Variants in WDR59 observed in about 807,000 individuals in gnomAD.
WDR59 encodes WD repeat domain 59, also known as GATOR2 complex protein WDR59.
Under a neutral mutation model 131.2 loss-of-function variants are expected in WDR59, and 100 were observed. The observed-to-expected ratio is 0.76, with a 90% CI of 0.65 to 0.90. The LOEUF (loss-of-function observed/expected upper bound fraction) is 0.90. WDR59 is among the 40% of genes least tolerant of loss of function. WDR59 has a pLI of 0.00. For missense variants in WDR59, 1,203 were observed against 1,262.2 expected (o/e 0.95, Z 0.71); for synonymous variants, 601 against 466.2 (o/e 1.29, Z -3.72).
At chr16:74,874,466 C>T in intron 25 of WDR59, 22 bp from the exon 26 acceptor site, 2 of 1,609,012 alleles carry the variant, frequency 1.2e-6, no homozygotes, top group Non-Finnish European at 1.7e-6. Flanking sequence ...CAGGGACGGG[C>T]AAAACAAGAG....
intron 20 of WDR59, among the ~76,000 whole-genome samples, chr16:74,890,649 AT>A (rs1393140777): frequency 6.6e-6 from 1 of 152,164 alleles, no homozygotes; most frequent in Non-Finnish European, 1.5e-5. Context: ...GACAAAATGG[AT>A]TTGGCTTTCT....
At chr16:74,935,755 G>A (rs2031747144) in intron 8 of WDR59, among the ~76,000 whole-genome samples, 1 of 152,010 alleles carries the variant, frequency 6.6e-6, no homozygotes, top group Admixed American at 6.6e-5. Context: ...TGCTAGCACT[G>A]TGGGAGGCCA....
chr16:74,892,250 G>T (rs748990701), intron 20 of WDR59, among the ~76,000 whole-genome samples: 1 of 152,116 alleles, frequency 6.6e-6, no homozygotes, highest in Non-Finnish European at 1.5e-5. Flanking sequence ...GAAAAGAGAT[G>T]TATAATTAAA....
chr16:74,915,053 G>T (rs758765856), intron 13 of WDR59, among the ~76,000 whole-genome samples: 4 of 152,166 alleles, frequency 2.6e-5, no homozygotes, highest in Admixed American at 1.3e-4. Flanking sequence ...TGTTCCACAG[G>T]CTAAGCAAAC....
intron 25 of WDR59, among the ~76,000 whole-genome samples, chr16:74,882,929 C>G (rs563886789): frequency 6.6e-6 from 1 of 150,498 alleles, no homozygotes; most frequent in African/African-American, 2.4e-5. Context: ...TATTACAAAA[C>G]CCAGCATTCC....
chr16:74,961,920 T>C lies in WDR59; in HGVS notation c.104+3853A>G, dbSNP rs140085328. On this transcript the variant is annotated intron_variant, in intron 2 of 25. Coordinates refer to ENST00000262144, the MANE Select transcript of WDR59 (RefSeq NM_030581.4). The stretch of plus-strand genomic sequence containing the variant: ...TTTTCTTCTAGGGTTTTTATAGTTT[T>C]GGATTTTACATTTAAGTCTTTAATC... Among the ~76,000 whole-genome samples, 1,162 of 152,320 alleles carry C rather than the reference T, an allele frequency of 7.6e-3. 20 individuals carry two copies. The highest frequency in any genetic ancestry group is 0.027 in the African/African-American group (1,106 of 41,572).
At position 74,909,937 on chromosome 16, in the gene WDR59, C is replaced by A. The variant is rs374410590; in HGVS notation, c.1390-20G>T. ...CAGGATCTAGAAAAGGCCCAAAACACAGTCAAGAAGAGGAACACATTTCTC... is the reference window on the plus strand; with the variant it reads ...CAGGATCTAGAAAAGGCCCAAAACAAAGTCAAGAAGAGGAACACATTTCTC... On this transcript the variant is annotated intron_variant, in intron 14 of 25. Transcript: ENST00000262144. The A allele has an allele frequency of 8.8e-6, 14 of 1,582,122 alleles. No homozygotes were observed. In the African/African-American group the frequency reaches 1.7e-4, roughly 19 times the overall value.
At chr16:74,937,199 C>A (rs948949012) in intron 8 of WDR59, among the ~76,000 whole-genome samples, 1 of 152,172 alleles carries the variant, frequency 6.6e-6, no homozygotes, top group African/African-American at 2.4e-5. Flanking sequence ...AGAGGAAAGA[C>A]AAACAAACAA....
At chr16:74,899,606 G>A in intron 18 of WDR59, 1 of 1,083,328 alleles carries the variant, frequency 9.2e-7, no homozygotes, top group Non-Finnish European at 1.2e-6. Flanking sequence ...TGTCATTTCA[G>A]GTTCCTCAAA....
intron 8 of WDR59, among the ~76,000 whole-genome samples, chr16:74,924,634 G>A (rs1010816431): frequency 3.9e-5 from 6 of 152,142 alleles, no homozygotes; most frequent in African/African-American, 1.2e-4. Context: ...CTACCTTAGA[G>A]ACACCTATGC....
At chr16:74,886,177 CAAA>C (rs777732079) in intron 24 of WDR59, 90 bp downstream of exon 24, 191 of 1,016,742 alleles carry the variant, frequency 1.9e-4, no homozygotes, top group South Asian at 4.4e-4. Context: ...ATTCTGTGTC[CAAA>C]AAAAAAAAAA....
At chr16:74,913,993 C>T (rs1014018789) in intron 13 of WDR59, among the ~76,000 whole-genome samples, 2 of 152,160 alleles carry the variant, frequency 1.3e-5, no homozygotes, top group African/African-American at 4.8e-5. Flanking sequence ...GATCAACTGA[C>T]ATCAGGAGTT....
In WDR59 at chr16:74,977,979, G is replaced by A. The variant is rs373118951; in HGVS notation, c.54+6985C>T. On this transcript the variant is annotated intron_variant, in intron 1 of 25. Transcript: ENST00000262144. ...TCCCAAAACTTTGGGAGGCCAAGGT[G>A]GGAGGGCTGTGTGAGGCCAGGAGTT... 4.1e-3 allele frequency among the ~76,000 whole-genome samples: 618 copies of A among 152,276 alleles called. 4 individuals carry two copies. The highest frequency in any genetic ancestry group is 0.014 in the African/African-American group (595 of 41,570).
chr16:74,884,681 C>T (rs1964669181), intron 25 of WDR59, among the ~76,000 whole-genome samples: 2 of 152,182 alleles, frequency 1.3e-5, no homozygotes, highest in Admixed American at 1.3e-4. Context: ...TTACAAGCCC[C>T]TGCCTGATAT....
intron 1 of WDR59, among the ~76,000 whole-genome samples, chr16:74,977,374 C>T (rs903698582): frequency 6.6e-6 from 1 of 152,092 alleles, no homozygotes; most frequent in African/African-American, 2.4e-5. Flanking sequence ...AAAATTTTTA[C>T]ACTCTTCTTA....
intron 20 of WDR59, 35 bp from the exon 21 acceptor site, chr16:74,889,850 G>T: frequency 6.5e-7 from 1 of 1,546,880 alleles, no homozygotes; most frequent in Non-Finnish European, 8.9e-7. Flanking sequence ...AACTCAAACT[G>T]GCAAGGACAA....
At chr16:74,886,464 C>A in intron 23 of WDR59, 68 bp from the exon 24 acceptor site, 1 of 1,563,682 alleles carries the variant, frequency 6.4e-7, no homozygotes, top group South Asian at 1.2e-5. Flanking sequence ...TGAAGAGTCT[C>A]ATAAGACAGC....
chr16:74,900,825 T>C (rs1196514677), intron 18 of WDR59, among the ~76,000 whole-genome samples: 1 of 152,194 alleles, frequency 6.6e-6, no homozygotes. Flanking sequence ...ATCTCAAAAA[T>C]ACACTACACT....
At chr16:74,968,107 A>C (rs1348372842) in intron 1 of WDR59, among the ~76,000 whole-genome samples, 1 of 152,090 alleles carries the variant, frequency 6.6e-6, no homozygotes. Flanking sequence ...CAAAAAGTAG[A>C]ATGGAGGTTG....
Sources: allele counts gnomAD v4.1 joint callset (sites outside exome capture counted in the v4.1 genomes callset), GRCh38; gene constraint gnomAD v4.1.1; transcripts MANE v1.5; gene names NCBI Gene and HGNC (gene_info 2026-07-23, HGNC 2026-07-21).